The following GPR158 variants were observed in gnomAD, a reference collection of about 807,000 sequenced individuals.
GPR158 encodes the protein metabotropic glycine receptor.
Under a neutral mutation model 78.2 loss-of-function variants are expected in GPR158, and 30 were observed. That is an observed-to-expected ratio of 0.38 (90% CI 0.29 to 0.52). The LOEUF (loss-of-function observed/expected upper bound fraction) is 0.52. GPR158 is among the 20% of genes least tolerant of loss of function. GPR158 has a pLI of 0.83. For synonymous variants in GPR158, 581 were observed against 591.1 expected (o/e 0.98, Z 0.25); for missense variants, 1,463 against 1,523.5 (o/e 0.96, Z 0.66).
intron 4 of GPR158, among the ~76,000 whole-genome samples, chr10:25,444,447 T>C (rs1374375056): frequency 6.6e-6 from 1 of 150,700 alleles, no homozygotes; most frequent in Non-Finnish European, 1.5e-5. Flanking sequence ...GGTGTTTGAG[T>C]GTGAGTGTAT....
chr10:25,523,162 A>G (rs75821442), intron 5 of GPR158, among the ~76,000 whole-genome samples: 10,204 of 152,192 alleles, frequency 0.067, 961 homozygotes, highest in African/African-American at 0.2. Flanking sequence ...ACCATGCACA[A>G]GGGTCAGATG....
At chr10:25,517,297 A>T (rs1384539514) in intron 5 of GPR158, among the ~76,000 whole-genome samples, 5 of 151,624 alleles carry the variant, frequency 3.3e-5, no homozygotes, top group South Asian at 2.1e-4. Context: ...TTTCTAGATA[A>T]ACAATCATGT....
chr10:25,276,743 GA>G (rs1335381674), intron 2 of GPR158, among the ~76,000 whole-genome samples: 1 of 152,028 alleles, frequency 6.6e-6, no homozygotes, highest in Non-Finnish European at 1.5e-5. Flanking sequence ...TTTTAATCAA[GA>G]AAAATGCTTT....
chr10:25,521,160 G>A lies in GPR158; in HGVS notation c.1405-29816G>A, dbSNP rs919990982. Among the ~76,000 whole-genome samples the A allele has an allele frequency of 3.3e-4, 51 of 152,324 alleles. 1 individual carries two copies. Among genetic ancestry groups the A allele is most frequent in the African/African-American group, 1.2e-3 (48 of 41,584 alleles). On this transcript the variant is annotated intron_variant, in intron 5 of 10. Coordinates refer to ENST00000376351, the MANE Select transcript of GPR158 (RefSeq NM_020752.3). ...CATCCGTCACCCCTTTCTTTGACTC[G>A]GAAAGGAAACTCCCTGACCCCTTGC...
intron 2 of GPR158, among the ~76,000 whole-genome samples, chr10:25,260,223 A>C (rs549860414): frequency 6.6e-6 from 1 of 151,942 alleles, no homozygotes; most frequent in African/African-American, 2.4e-5. Flanking sequence ...TTTGTTTTCT[A>C]TTTTGTACCT....
chr10:25,254,725 A>G (rs1409416028), intron 2 of GPR158, among the ~76,000 whole-genome samples: 2 of 152,202 alleles, frequency 1.3e-5, no homozygotes, highest in East Asian at 3.8e-4. Flanking sequence ...GTTAGAAAAC[A>G]GTTGAGTATG....
At chr10:25,569,882 C>A (rs1339517601) in intron 6 of GPR158, among the ~76,000 whole-genome samples, 2 of 152,122 alleles carry the variant, frequency 1.3e-5, no homozygotes, top group Admixed American at 1.3e-4. Flanking sequence ...TATCTTATAC[C>A]TTCCACATTG....
chr10:25,430,789 T>C (rs1834891712), intron 4 of GPR158, among the ~76,000 whole-genome samples: 1 of 148,454 alleles, frequency 6.7e-6, no homozygotes, highest in African/African-American at 2.5e-5. Context: ...TAAATGGTGC[T>C]GGGAAAACTG....
rs572271273 is a variant in GPR158, at chr10:25,569,670, A to T, written c.1515-2979A>T. On this transcript the variant is annotated intron_variant, in intron 6 of 10. Coordinates refer to ENST00000376351, the MANE Select transcript of GPR158 (RefSeq NM_020752.3). ...ATTTCCCTGCTTTTGATTCCCATCA[A>T]TTAGAATATCCCCTTATATCTTTTC... 6.6e-5 allele frequency among the ~76,000 whole-genome samples: 10 copies of T among 152,288 alleles called. No homozygotes were observed. The East Asian group carries it at 1.4e-3, about 21-fold the overall frequency.
intron 4 of GPR158, among the ~76,000 whole-genome samples, chr10:25,434,164 A>AAAAC (rs200316408): frequency 7.9e-5 from 12 of 152,130 alleles, no homozygotes; most frequent in Non-Finnish European, 1.3e-4. Context: ...CTGTCTCAAA[A>AAAAC]AAACAAACAA....
At chr10:25,507,465 A>G (rs539611945) in intron 5 of GPR158, among the ~76,000 whole-genome samples, 8 of 152,332 alleles carry the variant, frequency 5.3e-5, no homozygotes, top group Admixed American at 3.3e-4. Flanking sequence ...GCCCAAATGT[A>G]TATGCAACAA....
intron 2 of GPR158, among the ~76,000 whole-genome samples, chr10:25,222,195 C>A (rs961373347): frequency 6.6e-6 from 1 of 152,022 alleles, no homozygotes; most frequent in Non-Finnish European, 1.5e-5. Context: ...CACACACAAC[C>A]CACATACCCC....
At position 25,598,246 on chromosome 10, in the gene GPR158, C is replaced by T. The variant is rs1312313821; in HGVS notation, c.2620C>T (p.Pro874Ser). Residue 874 changes from proline to serine, a missense_variant, in exon 11 of 11, where the codon CCG becomes TCG. Physicochemically the swap from Pro to Ser is moderately conservative, Grantham distance 74. Transcript: ENST00000376351. ...DSEAESTESV[P>S]LVCKSASAHN... is the part of the protein sequence containing the mutation. ...CGAGGCTGAGTCCACGGAGTCGGTG[C>T]CGTTGGTGTGCAAGTCAGCAAGCGC... 4.3e-6 allele frequency: 7 copies of T among 1,613,922 alleles called. No homozygotes were observed. The highest frequency in any genetic ancestry group is 5.1e-6 in the Non-Finnish European group (6 of 1,180,014).
chr10:25,346,501 C>T (rs1350875309), intron 2 of GPR158, among the ~76,000 whole-genome samples: 3 of 151,882 alleles, frequency 2.0e-5, no homozygotes, highest in African/African-American at 7.2e-5. Context: ...GAGAAGACAA[C>T]ACATTGAGCA....
At chr10:25,518,318 A>G (rs1836211615) in intron 5 of GPR158, among the ~76,000 whole-genome samples, 1 of 82,430 alleles carries the variant, frequency 1.2e-5, no homozygotes, top group Non-Finnish European at 2.3e-5. Context: ...CCTTTCAAAA[A>G]ACCAGCTCCT....
chr10:25,510,936 C>T (rs981924184), intron 5 of GPR158, among the ~76,000 whole-genome samples: 9 of 152,122 alleles, frequency 5.9e-5, no homozygotes, highest in East Asian at 1.9e-4. Context: ...TTTCTTTATC[C>T]GCTCATTGCT....
intron 4 of GPR158, among the ~76,000 whole-genome samples, chr10:25,442,553 T>C (rs1247822267): frequency 6.6e-6 from 1 of 152,070 alleles, no homozygotes; most frequent in Non-Finnish European, 1.5e-5. Flanking sequence ...TCTGCTTGTA[T>C]ATTAATACTC....
intron 5 of GPR158, among the ~76,000 whole-genome samples, chr10:25,473,071 G>T (rs1365647463): frequency 6.6e-6 from 1 of 152,082 alleles, no homozygotes; most frequent in Non-Finnish European, 1.5e-5. Context: ...TGCCCATTCA[G>T]TATGACATTG....
At chr10:25,541,972 TAATTATA>T (rs1003311601) in intron 5 of GPR158, among the ~76,000 whole-genome samples, 13 of 147,626 alleles carry the variant, frequency 8.8e-5, no homozygotes, top group Non-Finnish European at 1.3e-4. Context: ...TTATATATTA[TAATTATA>T]AATTATATAT....
Sources: allele counts gnomAD v4.1 joint callset (sites outside exome capture counted in the v4.1 genomes callset), GRCh38; gene constraint gnomAD v4.1.1; transcripts MANE v1.5; gene names NCBI Gene and HGNC (gene_info 2026-07-23, HGNC 2026-07-21).